Variants in CCDC88C observed in about 807,000 individuals in gnomAD.
CCDC88C encodes the protein protein Daple.
A neutral mutation model predicts 198.8 loss-of-function variants in CCDC88C; 131 were observed. The observed-to-expected ratio is 0.66, with a 90% CI of 0.57 to 0.76. The LOEUF (loss-of-function observed/expected upper bound fraction) is 0.76. CCDC88C is among the 30% of genes least tolerant of loss of function. The probability of loss-of-function intolerance (pLI) is 0.00; values close to 1 mark genes in which losing one functional copy is unlikely to be tolerated. For missense variants in CCDC88C, 2,553 were observed against 2,631.6 expected, an observed-to-expected ratio of 0.97 and a Z score of 0.65; for synonymous variants, 1,166 against 1,114.7, an observed-to-expected ratio of 1.05 and a Z score of -0.92.
At chr14:91,302,981 G>GC (rs1891368969) in intron 20 of CCDC88C, among the ~76,000 whole-genome samples, 1 of 152,176 alleles carries the variant, frequency 6.6e-6, no homozygotes, top group African/African-American at 2.4e-5. Flanking sequence ...CCACACAGGA[G>GC]CCCCTCTTAC....
At chr14:91,291,366 C>T (rs1024269828) in intron 23 of CCDC88C, among the ~76,000 whole-genome samples, 1 of 152,198 alleles carries the variant, frequency 6.6e-6, no homozygotes, top group African/African-American at 2.4e-5. Flanking sequence ...TGAAAACTCA[C>T]GCTCGGAAGA....
chr14:91,314,362 G>A (rs1056758962), intron 14 of CCDC88C, among the ~76,000 whole-genome samples: 1 of 152,180 alleles, frequency 6.6e-6, no homozygotes, highest in African/African-American at 2.4e-5. Context: ...TACACTCAGA[G>A]CAGCCAGGAT....
intron 27 of CCDC88C, chr14:91,281,117 C>G (rs1244080123): frequency 4.1e-6 from 2 of 487,758 alleles, no homozygotes; most frequent in South Asian, 3.1e-5. Context: ...CAACTGCAGC[C>G]AAGTGAGGAC....
chr14:91,388,641 C>T (rs569751100), intron 3 of CCDC88C, among the ~76,000 whole-genome samples: 2 of 152,194 alleles, frequency 1.3e-5, no homozygotes, highest in Non-Finnish European at 2.9e-5. Flanking sequence ...ACACACACAG[C>T]GAGCTGTCAG....
chr14:91,359,797 C>A, intron 3 of CCDC88C, 86 bp from the exon 4 acceptor site: 1 of 1,232,484 alleles, frequency 8.1e-7, no homozygotes, highest in Non-Finnish European at 1.2e-6. Flanking sequence ...TAATGAAGCC[C>A]CCGGACGGGT....
rs1457695771 is a variant in CCDC88C at position 91,318,327 on chromosome 14, G to A, written c.1528-2540C>T. Among the ~76,000 whole-genome samples the A allele has an allele frequency of 2.6e-5, 4 of 151,996 alleles. No homozygotes were observed. In the East Asian group the frequency reaches 7.7e-4, roughly 29 times the overall value. ...GCTATTCGGGAGGCTGATGTGGGAG[G>A]ATTACTTGAGCTCTGGAGGTCAAAT... On this transcript the variant is annotated intron_variant, in intron 13 of 29. Transcript: ENST00000389857.
At chr14:91,335,559 C>A (rs1158969397) in intron 10 of CCDC88C, among the ~76,000 whole-genome samples, 2 of 152,154 alleles carry the variant, frequency 1.3e-5, no homozygotes, top group Non-Finnish European at 2.9e-5. Flanking sequence ...TTGGGTGAGG[C>A]GCCCTCCTCT....
At chr14:91,307,316 A>C (rs1291140128) in intron 17 of CCDC88C, 90 bp from the exon 18 acceptor site, 1 of 1,093,218 alleles carries the variant, frequency 9.1e-7, no homozygotes, top group South Asian at 1.3e-5. Flanking sequence ...CCTGCACCAC[A>C]CCCTCCACAC....
intron 6 of CCDC88C, among the ~76,000 whole-genome samples, chr14:91,340,275 C>A (rs1028861706): frequency 2.6e-5 from 4 of 152,178 alleles, no homozygotes; most frequent in African/African-American, 9.7e-5. Context: ...AGAAAGCACG[C>A]CTCACAATTA....
Position 91,383,499 on chromosome 14 carries a change from G to A in CCDC88C, c.271-23788C>T, listed in dbSNP as rs766675517. Reference sequence around the variant, plus strand: ...GTCCGGGAGCCAGGAGGAAGGGGGTGGAGAAAGTGGGGAGCCAGGGACACT... The same window carrying A: ...GTCCGGGAGCCAGGAGGAAGGGGGTAGAGAAAGTGGGGAGCCAGGGACACT... On this transcript the variant is annotated intron_variant, in intron 3 of 29. Transcript: ENST00000389857. Among the ~76,000 whole-genome samples, 169 of 152,262 alleles carry A rather than the reference G, an allele frequency of 1.1e-3. 3 individuals carry two copies. Among genetic ancestry groups the A allele is most frequent in the Non-Finnish European group, 2.6e-4 (18 of 67,998 alleles).
chr14:91,332,574 A>G (rs1892881577), intron 10 of CCDC88C, among the ~76,000 whole-genome samples: 2 of 152,278 alleles, frequency 1.3e-5, no homozygotes, highest in South Asian at 4.2e-4. Flanking sequence ...GGTGATGCAC[A>G]CCAATGTGCT....
chr14:91,316,038 C>T lies in CCDC88C; in HGVS notation c.1528-251G>A, dbSNP rs561752145. 2.6e-5 allele frequency among the ~76,000 whole-genome samples: 4 copies of T among 152,344 alleles called. No homozygotes were observed. In the South Asian group the frequency reaches 8.3e-4, roughly 32 times the overall value. Reference sequence around the variant, plus strand: ...CCCATCCTTGCTGCCATGTGCTCCACCGCCTGAGGCCGCCACCGCTGGGTG... The same window carrying T: ...CCCATCCTTGCTGCCATGTGCTCCATCGCCTGAGGCCGCCACCGCTGGGTG... On this transcript the variant is annotated intron_variant, in intron 13 of 29. Transcript: ENST00000389857.
intron 13 of CCDC88C, among the ~76,000 whole-genome samples, chr14:91,318,231 G>A (rs560552958): frequency 6.6e-6 from 1 of 151,888 alleles, no homozygotes; most frequent in African/African-American, 2.4e-5. Context: ...ACCAGCCTGG[G>A]CAACATAAAG....
In CCDC88C at chr14:91,381,594, AG is replaced by A. The variant is rs1237085436; in HGVS notation, c.271-21884del. Reference sequence around the variant, plus strand: ...ATGCCTGTAATCCTAGCACTTTGGGAGGCCAAGTTGGGTGGATCAATTGAAG... The same window carrying A: ...ATGCCTGTAATCCTAGCACTTTGGGAGCCAAGTTGGGTGGATCAATTGAAG... On this transcript the variant is annotated intron_variant, in intron 3 of 29. Transcript: ENST00000389857. The surrounding 1 kb of genome is among the most constrained non-coding windows in gnomAD (Gnocchi z 4.2). 6.6e-6 allele frequency among the ~76,000 whole-genome samples: 1 copy of A among 152,166 alleles called. No individual in the cohort carries two copies. The highest frequency in any genetic ancestry group is 1.5e-5 in the Non-Finnish European group (1 of 68,022).
At chr14:91,389,535 T>C (rs975761605) in intron 3 of CCDC88C, among the ~76,000 whole-genome samples, 1 of 152,104 alleles carries the variant, frequency 6.6e-6, no homozygotes, top group Non-Finnish European at 1.5e-5. Flanking sequence ...CTGCTGGGGC[T>C]TAAGAGGAAT....
chr14:91,387,781 G>A (rs147288552), intron 3 of CCDC88C, among the ~76,000 whole-genome samples: 7 of 152,214 alleles, frequency 4.6e-5, no homozygotes, highest in South Asian at 2.1e-4. Flanking sequence ...GACAAGAGCC[G>A]AGATGCTGAT....
chr14:91,281,378 T>G (rs1178150126), intron 27 of CCDC88C, 79 bp downstream of exon 27: 75 of 1,606,644 alleles, frequency 4.7e-5, no homozygotes, highest in Non-Finnish European at 6.3e-5. Flanking sequence ...CGTACAGGAC[T>G]CAGCTTAAAG....
At chr14:91,276,324 C>G (rs1443382141) in intron 29 of CCDC88C, among the ~76,000 whole-genome samples, 1 of 152,272 alleles carries the variant, frequency 6.6e-6, no homozygotes, top group Non-Finnish European at 1.5e-5. Flanking sequence ...GCTAACTTCT[C>G]GAGGGCAGGC....
rs527973611 is a variant in CCDC88C at position 91,359,820 on chromosome 14, C to T, written c.271-109G>A. 512 of 945,156 alleles carry T rather than the reference C, an allele frequency of 5.4e-4. No individual in the cohort carries two copies. The African/African-American group carries it at 7.7e-3, about 14-fold the overall frequency. 58.5% of individuals were successfully genotyped at this position (945,156 alleles called of 1,614,324 possible). Reference sequence around the variant, plus strand: ...CCCCCGGACGGGTGCACAGCCATCCCGTGGTGACTACGAAGGAGCTAAAAT... The same window carrying T: ...CCCCCGGACGGGTGCACAGCCATCCTGTGGTGACTACGAAGGAGCTAAAAT... On this transcript the variant is annotated intron_variant, in intron 3 of 29. Coordinates refer to ENST00000389857, the MANE Select transcript of CCDC88C (RefSeq NM_001080414.4).
Sources: gnomAD v4.1 joint callset for allele counts (sites outside exome capture counted in the v4.1 genomes callset) on GRCh38, gnomAD v4.1.1 for gene constraint, Gnocchi (gnomAD v3.1) non-coding constraint, MANE v1.5 for transcripts, NCBI Gene and HGNC (gene_info 2026-07-23, HGNC 2026-07-21) for gene names.